The following TJAP1 variants were observed in gnomAD, a reference collection of about 807,000 sequenced individuals.
TJAP1 encodes the protein tight junction associated protein 1, also known as tight junction-associated protein 1.
A neutral mutation model predicts 42.0 loss-of-function variants in TJAP1; 27 were observed. The observed-to-expected ratio is 0.64, with a 90% confidence interval of 0.47 to 0.89. The LOEUF (loss-of-function observed/expected upper bound fraction) is 0.89. TJAP1 is among the 40% of genes least tolerant of loss of function. TJAP1 has a pLI of 0.00. For missense variants in TJAP1, 712 were observed against 726.9 expected, an observed-to-expected ratio of 0.98 and a Z score of 0.24; for synonymous variants, 257 against 288.4, an observed-to-expected ratio of 0.89 and a Z score of 1.10.
At chr6:43,499,017 C>T in exon 4 of TJAP1, 27 of 1,614,054 alleles carry the variant, frequency 1.7e-5, no homozygotes, top group Non-Finnish European at 2.3e-5. Context: ...TAGTGCCGCC[C>T]CTGCTAAGAA....
At chr6:43,499,508 C>G (rs1790023492) in intron 4 of TJAP1, among the ~76,000 whole-genome samples, 1 of 152,250 alleles carries the variant, frequency 6.6e-6, no homozygotes, top group African/African-American at 2.4e-5. Flanking sequence ...TTCCCACCAG[C>G]ACAGCTGCTC....
chr6:43,493,668 G>A (rs901552846), intron 2 of TJAP1, among the ~76,000 whole-genome samples: 1 of 152,186 alleles, frequency 6.6e-6, no homozygotes, highest in Admixed American at 6.5e-5. Flanking sequence ...CGGAAAGGAT[G>A]GCAGAAGGGA....
rs201205042 is a variant in TJAP1, at chr6:43,499,113, G to T, written c.99+13G>T. On this transcript the variant is annotated intron_variant, in intron 4 of 10. Transcript: ENST00000372449. ...GCTTGAGCAGGAGGTCAGCAAGACTGGTATCACAGCCTGACCGGCAGAGGC... is the reference window on the plus strand; with the variant it reads ...GCTTGAGCAGGAGGTCAGCAAGACTTGTATCACAGCCTGACCGGCAGAGGC... The T allele has an allele frequency of 1.1e-5, 17 of 1,613,140 alleles. No homozygotes were observed. In the East Asian group the frequency reaches 3.8e-4, roughly 36 times the overall value.
intron 4 of TJAP1, among the ~76,000 whole-genome samples, chr6:43,500,344 A>G (rs1290072780): frequency 6.6e-6 from 1 of 152,226 alleles, no homozygotes; most frequent in East Asian, 1.9e-4. Context: ...GTCAGAGCTC[A>G]GAACTCGTGT....
At chr6:43,496,467 A>G (rs951559698) in intron 2 of TJAP1, among the ~76,000 whole-genome samples, 1 of 152,176 alleles carries the variant, frequency 6.6e-6, no homozygotes, top group Non-Finnish European at 1.5e-5. Context: ...CCGACACAGC[A>G]TGTTGCATGT....
chr6:43,506,076 A>G lies in TJAP1; in HGVS notation c.*221A>G, dbSNP rs1431331970. ...CTCATGGTTTTCCCTTTTTCTTAGA[A>G]TATTTATTCTTCAGAGGTAACATGC... On this transcript the variant is annotated 3_prime_UTR_variant, in exon 11 of 11. Coordinates refer to ENST00000372449, the Ensembl canonical transcript of TJAP1. 2.4e-6 allele frequency: 1 copy of G among 419,534 alleles called. No individual in the cohort carries two copies. Among genetic ancestry groups the G allele is most frequent in the Non-Finnish European group, 4.1e-6 (1 of 243,108 alleles). 26.0% of individuals were successfully genotyped at this position (419,534 alleles called of 1,614,324 possible). A position where few individuals can be genotyped will look rare whatever the true frequency, so the allele number is the denominator to read the frequency against.
intron 2 of TJAP1, among the ~76,000 whole-genome samples, chr6:43,493,394 T>C (rs1278934519): frequency 6.6e-6 from 1 of 152,152 alleles, no homozygotes; most frequent in Non-Finnish European, 1.5e-5. Flanking sequence ...GGGAGGTAGT[T>C]GCTCTCTAGG....
intron 2 of TJAP1, among the ~76,000 whole-genome samples, chr6:43,481,253 T>A (rs935062515): frequency 6.6e-6 from 1 of 152,088 alleles, no homozygotes; most frequent in Non-Finnish European, 1.5e-5. Flanking sequence ...ATCTGGGCTG[T>A]CTTCATGATT....
At position 43,505,323 on chromosome 6, in the gene TJAP1, C is replaced by T. The variant is rs760675540; in HGVS notation, c.1142C>T (p.Ser381Leu). 6 of 1,609,796 alleles carry T rather than the reference C, an allele frequency of 3.7e-6. No individual in the cohort carries two copies. In the South Asian group the frequency reaches 6.6e-5, roughly 18 times the overall value. Residue 381 changes from serine to leucine, a missense_variant, in exon 11 of 11, where the codon TCA (serine) becomes TTA (leucine). Physicochemically the swap from Ser to Leu is moderately radical, Grantham distance 145 (BLOSUM62 -2). Coordinates refer to ENST00000372449, the Ensembl canonical transcript of TJAP1. This position sits in a 1 kb window ranked among gnomAD's most constrained non-coding sequence, Gnocchi z 5.5. The stretch of plus-strand genomic sequence containing the variant: ...AGCCCAGTGCCCAGCACCCCTGCCT[C>T]AGCCCAGGCCTCACCCCACCACCAG...
Position 43,505,332 on chromosome 6 carries a change from C to A in TJAP1, c.1151C>A (p.Ala384Asp). Residue 384 changes from alanine to aspartate, a missense_variant, in exon 11 of 11, where the codon GCC becomes GAC. Physicochemically the swap from Ala to Asp is moderately radical, Grantham distance 126. Around this residue, in one of 3 missense-constraint regions of TJAP1, gnomAD observed 549 missense variants for 528.2 expected, o/e 1.04. Transcript: ENST00000372449. The surrounding 1 kb of genome is among the most constrained non-coding windows in gnomAD (Gnocchi z 5.5). The stretch of plus-strand genomic sequence containing the variant: ...CCCAGCACCCCTGCCTCAGCCCAGG[C>A]CTCACCCCACCACCAGCCCAGCCCA... 1 of 1,609,306 alleles carries A rather than the reference C, an allele frequency of 6.2e-7. No individual in the cohort carries two copies. The highest frequency in any genetic ancestry group is 8.5e-7 in the Non-Finnish European group (1 of 1,179,516).
intron 8 of TJAP1, chr6:43,502,982 G>A (rs967547796): frequency 1.7e-5 from 8 of 461,598 alleles, no homozygotes; most frequent in Admixed American, 3.7e-5. Flanking sequence ...TGCTCAACAA[G>A]GTGCCCTGGC....
intron 3 of TJAP1, 67 bp from the exon 4 acceptor site, chr6:43,498,911 G>C: frequency 6.5e-7 from 1 of 1,534,100 alleles, no homozygotes; most frequent in South Asian, 1.2e-5. Context: ...CACCATCTTT[G>C]TTTTTTCTCA....
At chr6:43,500,757 A>C (rs1444635001) in exon 5 of TJAP1, 4 of 1,614,036 alleles carry the variant, frequency 2.5e-6, no homozygotes, top group African/African-American at 1.3e-5. Context: ...CCCCTGACTG[A>C]TGCAGAAAGG....
Position 43,502,074 on chromosome 6 carries a change from ACACT to A in TJAP1, c.291-207_291-204del, listed in dbSNP as rs1180337007. ...CACACACACACACACACACACACAC[ACACT>A]CTCTCTCTCTCTCTCTCTCTCTCTC... On this transcript the variant is annotated intron_variant, in intron 6 of 10. Coordinates refer to ENST00000372449, the Ensembl canonical transcript of TJAP1. 4.0e-4 allele frequency among the ~76,000 whole-genome samples: 38 copies of A among 94,734 alleles called. 2 individuals carry two copies. The highest frequency in any genetic ancestry group is 1.3e-3 in the Admixed American group (13 of 10,142). The allele number at this position is 94,734 out of a possible 152,430, so 62.1% of individuals were successfully genotyped here. A position where few individuals can be genotyped will look rare whatever the true frequency, so the allele number is the denominator to read the frequency against.
At chr6:43,493,100 C>T (rs547568758) in intron 2 of TJAP1, among the ~76,000 whole-genome samples, 12 of 152,302 alleles carry the variant, frequency 7.9e-5, no homozygotes, top group African/African-American at 2.2e-4. Flanking sequence ...TATTCTGAAA[C>T]GGCTGGGTGT....
chr6:43,480,183 A>T (rs1427346624), intron 2 of TJAP1, among the ~76,000 whole-genome samples: 7 of 152,220 alleles, frequency 4.6e-5, no homozygotes, highest in African/African-American at 1.7e-4. Flanking sequence ...AGTTTTAGTT[A>T]TACTAGTCAG....
chr6:43,501,751 CACACACACTCTCTCT>C (rs767445325), intron 6 of TJAP1, 64 bp downstream of exon 6: 7,358 of 683,880 alleles, frequency 0.011, 40 homozygotes, highest in Non-Finnish European at 0.016. Flanking sequence ...CACACACACA[CACACACACTCTCTCT>C]GTCTCTCTCT....
intron 9 of TJAP1, 25 bp from the exon 10 acceptor site, chr6:43,503,598 C>T (rs368098114): frequency 1.2e-6 from 2 of 1,613,108 alleles, no homozygotes; most frequent in South Asian, 1.1e-5. Flanking sequence ...CTGGGCTGGG[C>T]TCTGAAACAG....
chr6:43,487,394 C>T (rs934523787), intron 2 of TJAP1, among the ~76,000 whole-genome samples: 2 of 152,196 alleles, frequency 1.3e-5, no homozygotes, highest in African/African-American at 4.8e-5. Context: ...GGAACTGAAT[C>T]TCAGAAGTCT....
Sources: gnomAD v4.1 joint callset for allele counts (sites outside exome capture counted in the v4.1 genomes callset) on GRCh38, gnomAD v4.1.1 for gene constraint, gnomAD v4.1.1 regional missense constraint, Gnocchi (gnomAD v3.1) non-coding constraint, MANE v1.5 for transcripts, NCBI Gene and HGNC (gene_info 2026-07-23, HGNC 2026-07-21) for gene names.